MIPOL1: variants seen among roughly 807,000 people sequenced by gnomAD.
MIPOL1 encodes mirror-image polydactyly gene 1 protein.
Under a neutral mutation model 60.9 loss-of-function variants are expected in MIPOL1, and 57 were observed. That is an observed-to-expected ratio of 0.94 (90% CI 0.76 to 1.17). The LOEUF is 1.17. MIPOL1 is among the 50% of genes most tolerant of loss of function. The probability of loss-of-function intolerance (pLI) is 0.00; values close to 1 mark genes in which losing one functional copy is unlikely to be tolerated. For missense variants in MIPOL1, 551 were observed against 511.6 expected (o/e 1.08, Z -0.74); for synonymous variants, 179 against 168.8 (o/e 1.06, Z -0.47).
chr14:37,401,026 T>C (rs2093471788), intron 10 of MIPOL1: 1 of 152,088 alleles, frequency 6.6e-6, no homozygotes, highest in South Asian at 2.1e-4. Context: ...ACCAAAGATA[T>C]TTTGAAGGAG....
At chr14:37,229,906 C>A (rs1446448765) in intron 1 of MIPOL1, among the ~76,000 whole-genome samples, 4 of 151,902 alleles carry the variant, frequency 2.6e-5, no homozygotes, top group African/African-American at 9.7e-5. Flanking sequence ...TTATCAGGGG[C>A]TAAAGGTTGG....
chr14:37,279,937 T>G (rs1258798076), intron 6 of MIPOL1, among the ~76,000 whole-genome samples: 1 of 152,128 alleles, frequency 6.6e-6, no homozygotes, highest in East Asian at 1.9e-4. Context: ...ATCTCTTCTT[T>G]CCTCCTCCAC....
intron 9 of MIPOL1, among the ~76,000 whole-genome samples, chr14:37,351,150 T>C (rs1410335997): frequency 3.5e-5 from 5 of 144,842 alleles, no homozygotes; most frequent in African/African-American, 7.7e-5. Context: ...TGAGTGAGAA[T>C]ATGCGGTGTT....
In MIPOL1 at chr14:37,550,865, A is replaced by G. The variant is rs992669556; in HGVS notation, c.*3894A>G. The stretch of plus-strand genomic sequence containing the variant: ...TTTACTAGAAAAATCTTTTTTGAAG[A>G]GTTTTTCTTGTGCTTGCTTCGGCAG... On this transcript the variant is annotated 3_prime_UTR_variant, in exon 13 of 13. Coordinates refer to ENST00000684589, the MANE Select transcript of MIPOL1 (RefSeq NM_001388067.1). 6 of 152,402 alleles carry G rather than the reference A, an allele frequency of 3.9e-5. No homozygotes were observed. The highest frequency in any genetic ancestry group is 1.4e-4 in the African/African-American group (6 of 41,448). 9.4% of individuals were successfully genotyped at this position (152,402 alleles called of 1,614,324 possible). A position where few individuals can be genotyped will look rare whatever the true frequency, so the allele number is the denominator to read the frequency against.
intron 12 of MIPOL1, among the ~76,000 whole-genome samples, chr14:37,531,301 C>T (rs1223713846): frequency 6.6e-6 from 1 of 151,968 alleles, no homozygotes; most frequent in Non-Finnish European, 1.5e-5. Flanking sequence ...TTTTCCTCTA[C>T]GTTACCCTCT....
At chr14:37,392,806 A>G (rs1303902588) in intron 10 of MIPOL1, among the ~76,000 whole-genome samples, 1 of 152,188 alleles carries the variant, frequency 6.6e-6, no homozygotes, top group Non-Finnish European at 1.5e-5. Context: ...GAAATCAAAA[A>G]TAGATATCAA....
rs183531605 is a variant in MIPOL1 at position 37,379,063 on chromosome 14, A to G, written c.936+9439A>G. Among the ~76,000 whole-genome samples the G allele has an allele frequency of 2.9e-3, 448 of 152,186 alleles. 1 individual carries two copies. The highest frequency in any genetic ancestry group is 9.7e-3 in the African/African-American group (403 of 41,552). ...ACTCACGGGTCTTGATGTAATGCCT[A>G]CTACAAAGCTACAGTAATCAAGATA... On this transcript the variant is annotated intron_variant, in intron 10 of 12. Coordinates refer to ENST00000684589, the MANE Select transcript of MIPOL1 (RefSeq NM_001388067.1).
intron 1 of MIPOL1, among the ~76,000 whole-genome samples, chr14:37,213,997 A>G (rs1484166583): frequency 6.6e-6 from 1 of 152,208 alleles, no homozygotes; most frequent in Middle Eastern, 3.2e-3. Context: ...CAAACATGAA[A>G]GAGAAATAAA....
intron 11 of MIPOL1, among the ~76,000 whole-genome samples, chr14:37,433,123 C>T (rs1255685375): frequency 6.6e-6 from 1 of 151,594 alleles, no homozygotes; most frequent in Non-Finnish European, 1.5e-5. Context: ...TGCAGTGGTG[C>T]AATCATAGCT....
chr14:37,446,139 C>T (rs149274731), intron 11 of MIPOL1, among the ~76,000 whole-genome samples: 2 of 152,054 alleles, frequency 1.3e-5, no homozygotes, highest in Non-Finnish European at 2.9e-5. Flanking sequence ...AACAGGCAAC[C>T]TACAAAATGG....
chr14:37,487,621 G>A (rs2094971076), intron 11 of MIPOL1, among the ~76,000 whole-genome samples: 1 of 152,332 alleles, frequency 6.6e-6, no homozygotes, highest in East Asian at 1.9e-4. Context: ...TAGTTTATTT[G>A]TGTAGAGGTG....
At position 37,356,926 on chromosome 14, in the gene MIPOL1, C is replaced by T. The variant is rs574344677; in HGVS notation, c.829-12591C>T. Reference sequence around the variant, plus strand: ...CTGTTTCTATTCGGCCATCTTGGCTCCTCCCCCCAGGATCTCATTTTTTTA... The same window carrying T: ...CTGTTTCTATTCGGCCATCTTGGCTTCTCCCCCCAGGATCTCATTTTTTTA... On this transcript the variant is annotated intron_variant, in intron 9 of 12. Transcript: ENST00000684589. Among the ~76,000 whole-genome samples, 7 of 152,254 alleles carry T rather than the reference C, an allele frequency of 4.6e-5. No homozygotes were observed. In the East Asian group the frequency reaches 1.2e-3, roughly 25 times the overall value.
At chr14:37,450,448 TCTTG>T (rs1360003053) in intron 11 of MIPOL1, among the ~76,000 whole-genome samples, 1 of 152,206 alleles carries the variant, frequency 6.6e-6, no homozygotes, top group Non-Finnish European at 1.5e-5. Context: ...CTTTCTCTTT[TCTTG>T]CTTCTAGTAA....
intron 11 of MIPOL1, chr14:37,423,438 T>C (rs2093910259): frequency 6.6e-6 from 1 of 151,766 alleles, no homozygotes; most frequent in Non-Finnish European, 1.5e-5. Flanking sequence ...CCCTGTAACA[T>C]AAATTAATAA....
Position 37,384,170 on chromosome 14 carries a change from C to T in MIPOL1, c.936+14546C>T, listed in dbSNP as rs1321845088. On this transcript the variant is annotated intron_variant, in intron 10 of 12. Transcript: ENST00000684589. ...ATGTCTTTACTTCGTTGGTTTGTCA[C>T]AACATTATTATTTTGTCTCAATACT... Among the ~76,000 whole-genome samples the T allele has an allele frequency of 2.0e-5, 3 of 151,884 alleles. No homozygotes were observed. In the East Asian group the frequency reaches 5.8e-4, roughly 29 times the overall value.
At chr14:37,380,350 A>G (rs1286779901) in intron 10 of MIPOL1, among the ~76,000 whole-genome samples, 4 of 152,142 alleles carry the variant, frequency 2.6e-5, no homozygotes, top group Non-Finnish European at 5.9e-5. Context: ...CAGCTAGACC[A>G]GGTTTACAGT....
rs1220895783 is a variant in MIPOL1 at position 37,550,513 on chromosome 14, T to TATATATATATATATATAC, written c.*3543_*3544insTATATATATATATATACA. 1.4e-5 allele frequency: 2 copies of TATATATATATATATATAC among 146,380 alleles called. No individual in the cohort carries two copies. Among genetic ancestry groups the TATATATATATATATATAC allele is most frequent in the African/African-American group, 5.1e-5 (2 of 39,436 alleles). 9.1% of individuals were successfully genotyped at this position (146,380 alleles called of 1,614,324 possible). A position where few individuals can be genotyped will look rare whatever the true frequency, so the allele number is the denominator to read the frequency against. The stretch of plus-strand genomic sequence containing the variant: ...TATTTTACATATATATATATATATA[T>TATATATATATATATATAC]ACATGCACACACACCGATACATTTA... On this transcript the variant is annotated 3_prime_UTR_variant, in exon 13 of 13. Coordinates refer to ENST00000684589, the MANE Select transcript of MIPOL1 (RefSeq NM_001388067.1).
chr14:37,264,663 G>C (rs934320177), intron 3 of MIPOL1, among the ~76,000 whole-genome samples: 12 of 151,934 alleles, frequency 7.9e-5, no homozygotes, highest in Non-Finnish European at 1.6e-4. Context: ...AGAAAGAATG[G>C]TTAATAAAGC....
At chr14:37,303,683 T>G (rs1266246282) in intron 7 of MIPOL1, among the ~76,000 whole-genome samples, 1 of 151,894 alleles carries the variant, frequency 6.6e-6, no homozygotes, top group Non-Finnish European at 1.5e-5. Flanking sequence ...CATTCAATTC[T>G]CAGGCTTTTC....
Sources: allele counts gnomAD v4.1 joint callset (sites outside exome capture counted in the v4.1 genomes callset), GRCh38; gene constraint gnomAD v4.1.1; transcripts MANE v1.5; gene names NCBI Gene and HGNC (gene_info 2026-07-23, HGNC 2026-07-21).